FANCL: variants seen among roughly 807,000 people sequenced by gnomAD.
FANCL encodes E3 ubiquitin-protein ligase FANCL.
FANCL carries 69 observed loss-of-function variants against 59.4 expected under a neutral mutation model. That is an observed-to-expected ratio of 1.16 (90% CI 0.96 to 1.42). The LOEUF (loss-of-function observed/expected upper bound fraction) is 1.42. Among genes scored for constraint, FANCL ranks in the 40% most tolerant of loss-of-function variants. The probability of loss-of-function intolerance (pLI) is 0.00; values close to 1 mark genes in which losing one functional copy is unlikely to be tolerated. For missense variants in FANCL, 519 were observed against 447.2 expected, an observed-to-expected ratio of 1.16 and a Z score of -1.45; for synonymous variants, 180 against 147.1, an observed-to-expected ratio of 1.22 and a Z score of -1.62.
In FANCL at chr2:58,159,711, C is replaced by G. The variant is rs752155510; in HGVS notation, c.*54G>C. ...TTCTCTGAAGATGATACCAAAATTCCTTTTGATAATTTTTTAAGTTTCCAG... is the reference window on the plus strand; with the variant it reads ...TTCTCTGAAGATGATACCAAAATTCGTTTTGATAATTTTTTAAGTTTCCAG... On this transcript the variant is annotated 3_prime_UTR_variant, in exon 14 of 14. Transcript: ENST00000233741. 1.9e-5 allele frequency: 31 copies of G among 1,611,584 alleles called. 1 individual carries two copies. The South Asian group carries it at 3.3e-4, about 17-fold the overall frequency.
chr2:58,227,340 A>G (rs1355898722), intron 3 of FANCL, among the ~76,000 whole-genome samples: 1 of 152,208 alleles, frequency 6.6e-6, no homozygotes, highest in Non-Finnish European at 1.5e-5. Flanking sequence ...AACTTTCTGT[A>G]TCCCGTGGTT....
chr2:58,191,058 A>T (rs893988399), intron 7 of FANCL, among the ~76,000 whole-genome samples: 1 of 151,802 alleles, frequency 6.6e-6, no homozygotes, highest in Non-Finnish European at 1.5e-5. Flanking sequence ...TTTAAAACTT[A>T]TAAACACATA....
rs764378405 is a variant in FANCL at position 58,241,292 on chromosome 2, G to C, written c.22C>G (p.Leu8Val). Reference protein sequence around the residue: MAVTEASLLRQCPLLLPQ... With the variant: MAVTEASVLRQCPLLLPQ... ...AGAAGCAGGGGGCACTGGCGCAACA[G>C]GCTCGCTTCCGTCACCGCCATGGCT... Residue 8 changes from leucine (L) to valine (V), a missense_variant, in exon 1 of 14, where the codon CTG becomes GTG. Physicochemically the swap from Leu to Val is conservative, Grantham distance 32. Coordinates refer to ENST00000233741, the MANE Select transcript of FANCL (RefSeq NM_018062.4). The C allele has an allele frequency of 1.9e-6, 3 of 1,614,264 alleles. No homozygotes were observed. The highest frequency in any genetic ancestry group is 2.2e-5 in the East Asian group (1 of 44,894).
At chr2:58,215,944 T>G (rs1001295837) in intron 5 of FANCL, among the ~76,000 whole-genome samples, 5 of 151,926 alleles carry the variant, frequency 3.3e-5, no homozygotes, top group Admixed American at 2.6e-4. Context: ...AGAAATTAAT[T>G]GGAATTCAGG....
intron 5 of FANCL, among the ~76,000 whole-genome samples, chr2:58,214,051 G>A (rs1691460167): frequency 6.6e-6 from 1 of 152,012 alleles, no homozygotes; most frequent in Non-Finnish European, 1.5e-5. Context: ...GAAAAAGTTG[G>A]AAATAAAAAT....
intron 1 of FANCL, among the ~76,000 whole-genome samples, chr2:58,236,901 T>C (rs925546297): frequency 2.0e-5 from 3 of 152,160 alleles, no homozygotes; most frequent in African/African-American, 7.2e-5. Context: ...AGTCAATTCA[T>C]AAAGAGTGCT....
At chr2:58,188,894 C>T (rs1233867791) in intron 7 of FANCL, among the ~76,000 whole-genome samples, 2 of 151,982 alleles carry the variant, frequency 1.3e-5, no homozygotes, top group Admixed American at 1.3e-4. Flanking sequence ...AGGTGAATGG[C>T]CAATATGTGG....
chr2:58,205,274 AAT>A (rs1273842112), intron 5 of FANCL, among the ~76,000 whole-genome samples: 6 of 152,080 alleles, frequency 3.9e-5, no homozygotes, highest in Admixed American at 6.6e-5. Context: ...CTGTAATGAA[AAT>A]ATGTCTAAAT....
At chr2:58,182,828 T>C (rs754490341) in intron 7 of FANCL, among the ~76,000 whole-genome samples, 1 of 151,676 alleles carries the variant, frequency 6.6e-6, no homozygotes, top group Non-Finnish European at 1.5e-5. Flanking sequence ...ATACTAACAA[T>C]ATAGAAGATG....
chr2:58,215,104 A>G (rs981159776), intron 5 of FANCL, among the ~76,000 whole-genome samples: 8 of 152,232 alleles, frequency 5.3e-5, no homozygotes, highest in Admixed American at 3.9e-4. Flanking sequence ...AAATATTAAC[A>G]TTAAGCATCT....
chr2:58,226,882 G>T (rs957631152), intron 3 of FANCL, 98 bp from the exon 4 acceptor site: 8 of 975,630 alleles, frequency 8.2e-6, no homozygotes, highest in Non-Finnish European at 1.3e-5. Flanking sequence ...GTGAAAAAAA[G>T]ATTAGCTATA....
chr2:58,195,041 A>G (rs542798703), intron 7 of FANCL, among the ~76,000 whole-genome samples: 3 of 152,210 alleles, frequency 2.0e-5, no homozygotes, highest in African/African-American at 4.8e-5. Context: ...TCTGAAATCT[A>G]TTTACCATCT....
At chr2:58,170,199 C>G (rs2104854213) in intron 7 of FANCL, among the ~76,000 whole-genome samples, 1 of 152,262 alleles carries the variant, frequency 6.6e-6, no homozygotes, top group Admixed American at 6.5e-5. Context: ...CTGCAGAAAC[C>G]CTACAAGCCA....
chr2:58,232,447 T>C (rs576263507), intron 1 of FANCL, among the ~76,000 whole-genome samples: 1 of 152,142 alleles, frequency 6.6e-6, no homozygotes, highest in East Asian at 1.9e-4. Flanking sequence ...TATTTCTTAG[T>C]AAATAAATTT....
intron 5 of FANCL, among the ~76,000 whole-genome samples, chr2:58,214,891 T>TA (rs930510076): frequency 2.0e-5 from 3 of 151,974 alleles, no homozygotes; most frequent in African/African-American, 7.3e-5. Context: ...ATTAGCAGGG[T>TA]AAAAAAATGA....
chr2:58,183,495 G>T (rs1021821528), intron 7 of FANCL, among the ~76,000 whole-genome samples: 6 of 151,802 alleles, frequency 4.0e-5, no homozygotes, highest in Admixed American at 3.9e-4. Context: ...CATTTTGTAG[G>T]TCCTATTGAA....
At chr2:58,163,812 GAT>G (rs1685574681) in intron 8 of FANCL, among the ~76,000 whole-genome samples, 1 of 151,964 alleles carries the variant, frequency 6.6e-6, no homozygotes, top group Admixed American at 6.6e-5. Context: ...TCTGTGGAGT[GAT>G]AAAGGTCTTT....
chr2:58,207,954 G>A (rs1690757200), intron 5 of FANCL, among the ~76,000 whole-genome samples: 4 of 152,056 alleles, frequency 2.6e-5, no homozygotes, highest in South Asian at 2.1e-4. Context: ...AGCTATTCAG[G>A]AAACTGAGGC....
At chr2:58,208,990 T>C (rs920947843) in intron 5 of FANCL, among the ~76,000 whole-genome samples, 2 of 152,210 alleles carry the variant, frequency 1.3e-5, no homozygotes, top group Non-Finnish European at 2.9e-5. Flanking sequence ...AAATTGCACA[T>C]TTCTATTGCT....
Sources: allele counts gnomAD v4.1 joint callset (sites outside exome capture counted in the v4.1 genomes callset), GRCh38; gene constraint gnomAD v4.1.1; transcripts MANE v1.5; gene names NCBI Gene and HGNC (gene_info 2026-07-23, HGNC 2026-07-21).